ALMS1: variants seen among roughly 807,000 people sequenced by gnomAD.
ALMS1 encodes ALMS1 centrosome and basal body associated protein, also known as centrosome-associated protein ALMS1.
In ALMS1, 271 loss-of-function variants were observed where a neutral mutation model predicts 352.2. That is an observed-to-expected ratio of 0.77 (90% CI 0.70 to 0.85). ALMS1 has a LOEUF of 0.85. Among genes scored for constraint, ALMS1 ranks in the 40% least tolerant of loss-of-function variants. The pLI, the probability that ALMS1 is intolerant of heterozygous loss-of-function variation, is 0.00. For missense variants in ALMS1, 5,445 were observed against 4,870.7 expected, an observed-to-expected ratio of 1.12 and a Z score of -3.51; for synonymous variants, 1,865 against 1,761.2, an observed-to-expected ratio of 1.06 and a Z score of -1.48.
At chr2:73,392,532 T>A (rs1230247682) in intron 1 of ALMS1, among the ~76,000 whole-genome samples, 1 of 152,180 alleles carries the variant, frequency 6.6e-6, no homozygotes, top group Non-Finnish European at 1.5e-5. Flanking sequence ...ATTCCCCATA[T>A]GCAACTATTA....
intron 1 of ALMS1, among the ~76,000 whole-genome samples, chr2:73,394,521 T>G (rs1368575138): frequency 2.0e-5 from 3 of 152,124 alleles, no homozygotes; most frequent in Non-Finnish European, 2.9e-5. Flanking sequence ...GGTTTATTTT[T>G]GTATTTTTAG....
intron 9 of ALMS1, among the ~76,000 whole-genome samples, chr2:73,461,923 C>T (rs1256060194): frequency 5.3e-5 from 8 of 151,888 alleles, no homozygotes; most frequent in African/African-American, 9.7e-5. Context: ...TAAAAAGAAA[C>T]GAACAAAGCC....
chr2:73,450,324 C>T lies in ALMS1; in HGVS notation c.3797C>T (p.Ser1266Leu). 1 of 1,613,130 alleles carries T rather than the reference C, an allele frequency of 6.2e-7. No individual in the cohort carries two copies. The change falls in exon 8 of 23, where the codon TCA becomes TTA. Residue 1266 changes from serine (S) to leucine (L), a missense_variant. By Grantham distance (145) the Ser-to-Leu change is moderately radical. Coordinates refer to ENST00000613296, the MANE Select transcript of ALMS1 (RefSeq NM_001378454.1). ...CCAACTGAAGAGGCTCTGAAAATTT[C>T]AGTTGCCTCTGAACCAGTTGACCAG... ...NHPTEEALKI[S>L]VASEPVDQTT...
At position 73,489,738 on chromosome 2, in the gene ALMS1, A is replaced by G; in HGVS notation, c.7779A>G (p.Glu2593=). 1 of 1,614,198 alleles carries G rather than the reference A, an allele frequency of 6.2e-7. No individual in the cohort carries two copies. The highest frequency in any genetic ancestry group is 2.2e-5 in the East Asian group (1 of 44,880). The part of the protein sequence containing the change: ...EKGCFRTLTS[E]HPQLDRHPCA... ...GATGTTTCCGGACTCTAACTTCTGA[A>G]CATCCACAACTAGATAGACACCCTT... The change falls in exon 10 of 23, where the codon GAA becomes GAG. Residue 2593 remains glutamate (E), a synonymous_variant. Transcript: ENST00000613296.
intron 10 of ALMS1, among the ~76,000 whole-genome samples, chr2:73,508,124 T>TCCTTTCCTTTCCCTTTC (rs1490022689): frequency 6.6e-6 from 1 of 150,742 alleles, no homozygotes. Flanking sequence ...TCTTTTCTTT[T>TCCTTTCCTTTCCCTTTC]CCTTTCCTTT....
intron 18 of ALMS1, 44 bp from the exon 19 acceptor site, chr2:73,601,151 A>G (rs145318412): frequency 1.2e-6 from 2 of 1,613,406 alleles, no homozygotes; most frequent in African/African-American, 2.7e-5. Flanking sequence ...GGGGCTGTAA[A>G]AAAGTGAAAA....
intron 10 of ALMS1, among the ~76,000 whole-genome samples, chr2:73,502,326 A>G (rs1042926577): frequency 6.6e-6 from 1 of 152,140 alleles, no homozygotes; most frequent in African/African-American, 2.4e-5. Flanking sequence ...TATAAAGTCT[A>G]TTCTTCATAC....
chr2:73,509,558 C>A (rs943092752), intron 10 of ALMS1, among the ~76,000 whole-genome samples: 19 of 152,250 alleles, frequency 1.2e-4, no homozygotes, highest in Admixed American at 4.6e-4. Context: ...GTTGAAAATT[C>A]TTTTCTTTAA....
At chr2:73,557,110 C>A in intron 13 of ALMS1, 110 bp from the exon 14 acceptor site, 1 of 1,481,132 alleles carries the variant, frequency 6.8e-7, no homozygotes, top group Non-Finnish European at 9.4e-7. Context: ...TACTTTTTTC[C>A]TAATATGTAA....
chr2:73,396,690 C>G lies in ALMS1; in HGVS notation c.324+10498C>G, dbSNP rs1670769032. 2.0e-5 allele frequency among the ~76,000 whole-genome samples: 3 copies of G among 146,374 alleles called. No homozygotes were observed. In the South Asian group the frequency reaches 6.4e-4, roughly 31 times the overall value. On this transcript the variant is annotated intron_variant, in intron 1 of 22. Coordinates refer to ENST00000613296, the MANE Select transcript of ALMS1 (RefSeq NM_001378454.1). Reference sequence around the variant, plus strand: ...ACGGAGTCTTGCTCTGTCGCACAGGCTGGGGGTGCAGTGGCGCGATCTCAG... The same window carrying G: ...ACGGAGTCTTGCTCTGTCGCACAGGGTGGGGGTGCAGTGGCGCGATCTCAG...
intron 2 of ALMS1, 116 bp downstream of exon 2, chr2:73,408,863 T>C (rs13030679): frequency 7.3e-6 from 4 of 544,424 alleles, no homozygotes; most frequent in African/African-American, 2.4e-5. Context: ...TGTTTTCTTG[T>C]CTTTTTTTTT....
At chr2:73,443,769 T>C (rs1281765531) in intron 7 of ALMS1, among the ~76,000 whole-genome samples, 1 of 152,176 alleles carries the variant, frequency 6.6e-6, no homozygotes, top group Non-Finnish European at 1.5e-5. Context: ...AGGGGTAGAA[T>C]AAGATGGTAG....
intron 6 of ALMS1, among the ~76,000 whole-genome samples, chr2:73,430,195 G>A (rs756165702): frequency 1.3e-4 from 19 of 151,266 alleles, no homozygotes; most frequent in Admixed American, 3.3e-4. Flanking sequence ...TCCTGCCTCA[G>A]CCTCCTGAGT....
Position 73,451,058 on chromosome 2 carries a change from C to T in ALMS1, c.4531C>T (p.Gln1511Ter). Residue 1511 changes from glutamine to a stop codon, truncating the protein, a stop_gained, in exon 8 of 23, where the codon CAG (glutamine) becomes TAG (stop). Transcript: ENST00000613296. LOFTEE classifies it high-confidence loss of function. Reference protein sequence around the residue: ...KVSVAPGPVGQTTGAPTITSP... With the variant: ...KVSVAPGPVG Reference sequence around the variant, plus strand: ...TTCAGTTGCTCCTGGACCAGTTGGCCAGACAACTGGCGCACCAACTATAAC... The same window carrying T: ...TTCAGTTGCTCCTGGACCAGTTGGCTAGACAACTGGCGCACCAACTATAAC... The T allele has an allele frequency of 6.2e-7, 1 of 1,613,096 alleles. No individual in the cohort carries two copies. Among genetic ancestry groups the T allele is most frequent in the Non-Finnish European group, 8.5e-7 (1 of 1,179,798 alleles).
At chr2:73,522,001 C>T (rs945473715) in intron 11 of ALMS1, among the ~76,000 whole-genome samples, 4 of 152,090 alleles carry the variant, frequency 2.6e-5, no homozygotes, top group African/African-American at 9.7e-5. Context: ...ACTGCTTACC[C>T]ATTAGTCTGA....
intron 10 of ALMS1, among the ~76,000 whole-genome samples, chr2:73,503,187 T>C (rs1031421904): frequency 6.6e-6 from 1 of 152,112 alleles, no homozygotes; most frequent in African/African-American, 2.4e-5. Flanking sequence ...CATGCTGGTG[T>C]GCTGCACCCA....
rs1380407824 is a variant in ALMS1 at position 73,609,816 on chromosome 2, G to A, written c.*204G>A. The A allele has an allele frequency of 1.7e-6, 1 of 584,544 alleles. No individual in the cohort carries two copies. The highest frequency in any genetic ancestry group is 3.1e-6 in the Non-Finnish European group (1 of 326,206). 36.2% of individuals were successfully genotyped at this position (584,544 alleles called of 1,614,324 possible). Reference sequence around the variant, plus strand: ...GCAATACTTTCTGCATAGTGGCCTTGTCCAATGGCCTGTGTGTTACAATGA... The same window carrying A: ...GCAATACTTTCTGCATAGTGGCCTTATCCAATGGCCTGTGTGTTACAATGA... On this transcript the variant is annotated 3_prime_UTR_variant, in exon 23 of 23. Transcript: ENST00000613296.
intron 9 of ALMS1, among the ~76,000 whole-genome samples, chr2:73,483,992 A>T (rs761680718): frequency 0.023 from 3,469 of 151,314 alleles, 51 homozygotes; most frequent in Non-Finnish European, 0.035. Context: ...GGGTTTCCTG[A>T]ATACAGCACA....
intron 9 of ALMS1, chr2:73,459,492 T>C (rs1672142228): frequency 6.6e-6 from 1 of 152,216 alleles, no homozygotes; most frequent in South Asian, 2.1e-4. Context: ...ATTCCATCAT[T>C]GCTTCAACAT....
Sources: allele counts gnomAD v4.1 joint callset (sites outside exome capture counted in the v4.1 genomes callset), GRCh38; gene constraint gnomAD v4.1.1; transcripts MANE v1.5; gene names NCBI Gene and HGNC (gene_info 2026-07-23, HGNC 2026-07-21).